The following F13A1 variants were observed in gnomAD, a reference collection of about 807,000 sequenced individuals.
The protein encoded by F13A1 is coagulation factor XIII A chain.
Under a neutral mutation model 80.1 loss-of-function variants are expected in F13A1, and 47 were observed. The observed-to-expected ratio is 0.59, with a 90% CI of 0.46 to 0.75. The LOEUF is 0.75. Among genes scored for constraint, F13A1 ranks in the 30% least tolerant of loss-of-function variants. F13A1 has a pLI of 0.00. For missense variants in F13A1, 817 were observed against 930.4 expected, an observed-to-expected ratio of 0.88 and a Z score of 1.59; for synonymous variants, 349 against 344.9, an observed-to-expected ratio of 1.01 and a Z score of -0.13.
At chr6:6,298,541 G>A (rs1342914553) in intron 3 of F13A1, among the ~76,000 whole-genome samples, 1 of 149,536 alleles carries the variant, frequency 6.7e-6, no homozygotes, top group Non-Finnish European at 1.5e-5. Flanking sequence ...TTGGTTTGAA[G>A]TCTGTTTTAT....
Position 6,266,615 on chromosome 6 carries a change from G to A in F13A1, c.514C>T (p.Arg172Ter), listed in dbSNP as rs121913065. 17 of 1,614,210 alleles carry A rather than the reference G, an allele frequency of 1.1e-5. No individual in the cohort carries two copies. Among genetic ancestry groups the A allele is most frequent in the Admixed American group, 1.7e-5 (1 of 60,026 alleles). ...TCTGTTTCTGGGTTTCGACTGGTTC[G>A]AAGTACGCCATAGGGAGTCCAGACA... ...VAVWTPYGVL[R>*]TSRNPETDTY... The change falls in exon 4 of 15, where the codon CGA becomes TGA. Residue 172 changes from arginine to a stop codon, truncating the protein, a stop_gained. Coordinates refer to ENST00000264870, the MANE Select transcript of F13A1 (RefSeq NM_000129.4). LOFTEE classifies it high-confidence loss of function.
intron 9 of F13A1, among the ~76,000 whole-genome samples, 186 bp downstream of exon 9, chr6:6,197,037 G>T (rs1209801709): frequency 6.6e-6 from 1 of 152,212 alleles, no homozygotes; most frequent in Non-Finnish European, 1.5e-5. Flanking sequence ...AATAATCAGG[G>T]TAAAGCTGAC....
At chr6:6,208,691 G>A (rs1480416002) in intron 8 of F13A1, among the ~76,000 whole-genome samples, 1 of 151,786 alleles carries the variant, frequency 6.6e-6, no homozygotes, top group Non-Finnish European at 1.5e-5. Context: ...GTGAAACAAA[G>A]AATCTTTAAG....
intron 6 of F13A1, among the ~76,000 whole-genome samples, chr6:6,245,017 G>A (rs2113094237): frequency 6.6e-6 from 1 of 152,236 alleles, no homozygotes; most frequent in South Asian, 2.1e-4. Flanking sequence ...CACTAAGGGT[G>A]ATTTTTACCC....
chr6:6,294,364 T>C (rs1007876463), intron 3 of F13A1, among the ~76,000 whole-genome samples: 5 of 152,214 alleles, frequency 3.3e-5, no homozygotes, highest in Admixed American at 3.3e-4. Flanking sequence ...CCATGCTGGA[T>C]GCTTCCTGCC....
intron 13 of F13A1, among the ~76,000 whole-genome samples, chr6:6,159,996 G>A (rs542832085): frequency 6.6e-6 from 1 of 151,990 alleles, no homozygotes; most frequent in South Asian, 2.1e-4. Flanking sequence ...CTCACTGTTG[G>A]CCGGGCGCAG....
intron 2 of F13A1, among the ~76,000 whole-genome samples, chr6:6,318,080 G>A (rs1003365342): frequency 4.6e-5 from 7 of 152,154 alleles, no homozygotes; most frequent in African/African-American, 1.4e-4. Context: ...ACTTCTCCCC[G>A]GCTCTGAAAT....
chr6:6,287,249 G>C (rs1168641648), intron 3 of F13A1, among the ~76,000 whole-genome samples: 1 of 152,122 alleles, frequency 6.6e-6, no homozygotes, highest in Non-Finnish European at 1.5e-5. Flanking sequence ...TTCACCTCTT[G>C]CTTCATATGC....
intron 6 of F13A1, among the ~76,000 whole-genome samples, chr6:6,246,983 T>C (rs1470935874): frequency 6.6e-6 from 1 of 151,664 alleles, no homozygotes; most frequent in East Asian, 1.9e-4. Context: ...AAGTCTAATA[T>C]ATTTGTTATA....
intron 3 of F13A1, among the ~76,000 whole-genome samples, chr6:6,292,062 T>A (rs906232041): frequency 3.9e-5 from 6 of 152,182 alleles, no homozygotes; most frequent in African/African-American, 1.2e-4. Flanking sequence ...CCCAGCACTT[T>A]CCAGGTGTGA....
intron 10 of F13A1, among the ~76,000 whole-genome samples, chr6:6,190,514 G>T (rs527447471): frequency 6.6e-6 from 1 of 150,600 alleles, no homozygotes; most frequent in Non-Finnish European, 1.5e-5. Context: ...CTGCTGGGGG[G>T]TGCCTCCCAG....
intron 13 of F13A1, among the ~76,000 whole-genome samples, chr6:6,163,375 G>A (rs545512225): frequency 1.3e-5 from 2 of 152,106 alleles, no homozygotes; most frequent in Admixed American, 6.5e-5. Flanking sequence ...ACATGTGCAG[G>A]TTTGTTATAT....
At chr6:6,279,978 T>C (rs776066848) in intron 3 of F13A1, among the ~76,000 whole-genome samples, 2 of 152,220 alleles carry the variant, frequency 1.3e-5, no homozygotes, top group East Asian at 3.8e-4. Flanking sequence ...CATTTGTTTG[T>C]CTTTGGAGTA....
At chr6:6,260,777 G>A (rs1471232873) in intron 4 of F13A1, among the ~76,000 whole-genome samples, 1 of 152,108 alleles carries the variant, frequency 6.6e-6, no homozygotes, top group Non-Finnish European at 1.5e-5. Flanking sequence ...AAAGCTCACT[G>A]GATCCCTCTG....
At chr6:6,273,140 C>T (rs1247694691) in intron 3 of F13A1, among the ~76,000 whole-genome samples, 1 of 152,170 alleles carries the variant, frequency 6.6e-6, no homozygotes. Flanking sequence ...GACCCCTTTT[C>T]CTATAACAAT....
rs1267740224 is a variant in F13A1, at chr6:6,214,500, T to C, written c.1112+7533A>G. ...AACCAACAAGAACAAAGACACAACA[T>C]ACCAGAATCTCAGGGACGCATTCAA... On this transcript the variant is annotated intron_variant, in intron 8 of 14. Transcript: ENST00000264870. Among the ~76,000 whole-genome samples, 35 of 105,282 alleles carry C rather than the reference T, an allele frequency of 3.3e-4. 7 individuals carry two copies. Among genetic ancestry groups the C allele is most frequent in the Middle Eastern group, 0.012 (2 of 164 alleles). The allele number at this position is 105,282 out of a possible 152,430, so 69.1% of individuals were successfully genotyped here. A position where few individuals can be genotyped will look rare whatever the true frequency, so the allele number is the denominator to read the frequency against.
intron 13 of F13A1, among the ~76,000 whole-genome samples, chr6:6,160,585 C>G (rs530463739): frequency 6.6e-6 from 1 of 152,234 alleles, no homozygotes; most frequent in South Asian, 2.1e-4. Context: ...GATCCAGCCA[C>G]CTTGGCCTTC....
rs3024333 is a variant in F13A1 at position 6,315,610 on chromosome 6, A to G, written c.130+2925T>C. On this transcript the variant is annotated intron_variant, in intron 2 of 14. Transcript: ENST00000264870. ...CCTTAGAACACTGTATATATCACAC[A>G]CAGTGATGGGCAGGACTCACTGCTA... 2.5e-3 allele frequency among the ~76,000 whole-genome samples: 388 copies of G among 152,330 alleles called. 6 individuals carry two copies. Among genetic ancestry groups the G allele is most frequent in the African/African-American group, 9.0e-3 (373 of 41,560 alleles).
At chr6:6,146,475 C>G (rs1389095716) in intron 14 of F13A1, among the ~76,000 whole-genome samples, 1 of 152,158 alleles carries the variant, frequency 6.6e-6, no homozygotes, top group Non-Finnish European at 1.5e-5. Flanking sequence ...CAGCCTTTGC[C>G]CTGAAGTCTT....
Sources: allele counts gnomAD v4.1 joint callset (sites outside exome capture counted in the v4.1 genomes callset), GRCh38; gene constraint gnomAD v4.1.1; transcripts MANE v1.5; gene names NCBI Gene and HGNC (gene_info 2026-07-23, HGNC 2026-07-21).